The following CBFA2T2 variants were observed in gnomAD, a reference collection of about 807,000 sequenced individuals.
CBFA2T2 encodes protein CBFA2T2.
CBFA2T2 carries 11 observed loss-of-function variants against 62.2 expected under a neutral mutation model. The ratio of observed to expected loss-of-function variants is 0.18; its 90% CI spans 0.11 to 0.29. CBFA2T2 has a LOEUF of 0.29. Among genes scored for constraint, CBFA2T2 ranks in the 10% least tolerant of loss-of-function variants. CBFA2T2 has a pLI of 1.00. For missense variants in CBFA2T2, 592 were observed against 774.1 expected (o/e 0.76, Z 2.79); for synonymous variants, 295 against 287.5 (o/e 1.03, Z -0.27).
In CBFA2T2 at chr20:33,610,627, C is replaced by T. The variant is rs139762657; in HGVS notation, c.179-467C>T. On this transcript the variant is annotated intron_variant, in intron 2 of 10. Coordinates refer to ENST00000342704, the MANE Select transcript of CBFA2T2 (RefSeq NM_001032999.3). ...AAATCAGTAGGCCTAAAAAATATCC[C>T]TCATATTATCATAACTCTTTTTTCT... Among the ~76,000 whole-genome samples, 171 of 152,240 alleles carry T rather than the reference C, an allele frequency of 1.1e-3. 1 individual carries two copies. Among genetic ancestry groups the T allele is most frequent in the African/African-American group, 3.9e-3 (160 of 41,544 alleles).
chr20:33,598,185 T>C (rs2014969312), intron 1 of CBFA2T2, among the ~76,000 whole-genome samples: 1 of 152,148 alleles, frequency 6.6e-6, no homozygotes, highest in South Asian at 2.1e-4. Flanking sequence ...AGCACCATTG[T>C]CATTGATAAC....
chr20:33,493,092 TGA>T (rs2011161418), intron 1 of CBFA2T2, among the ~76,000 whole-genome samples: 1 of 146,844 alleles, frequency 6.8e-6, no homozygotes, highest in Admixed American at 6.8e-5. Flanking sequence ...TTTTTTTTTT[TGA>T]GACGGAGTTT....
chr20:33,536,677 C>T (rs1464117306), intron 1 of CBFA2T2, among the ~76,000 whole-genome samples: 1 of 150,440 alleles, frequency 6.6e-6, no homozygotes, highest in Non-Finnish European at 1.5e-5. Context: ...CGGGCAGAGA[C>T]GCTCCTCACC....
At position 33,623,095 on chromosome 20, in the gene CBFA2T2, A is replaced by G. The variant is rs1361948665; in HGVS notation, c.511-20A>G. 1 of 1,613,614 alleles carries G rather than the reference A, an allele frequency of 6.2e-7. No individual in the cohort carries two copies. The highest frequency in any genetic ancestry group is 8.5e-7 in the Non-Finnish European group (1 of 1,179,946). ...CTTGTGTAGGGCCTAACACTGGAAA[A>G]ACTGCCTCTTCCTTTCAAGGCCAAC... On this transcript the variant is annotated intron_variant, in intron 4 of 10. Transcript: ENST00000342704.
chr20:33,546,482 T>TA (rs1193172283), intron 1 of CBFA2T2, among the ~76,000 whole-genome samples: 1 of 150,636 alleles, frequency 6.6e-6, no homozygotes, highest in African/African-American at 2.4e-5. Flanking sequence ...GGCTGGAGTG[T>TA]AGTAGCAGCC....
chr20:33,505,157 G>T (rs1463880073), intron 1 of CBFA2T2, among the ~76,000 whole-genome samples: 1 of 152,208 alleles, frequency 6.6e-6, no homozygotes, highest in Non-Finnish European at 1.5e-5. Flanking sequence ...GAATGTGAGA[G>T]TGTGGCTTTT....
At chr20:33,630,776 C>T (rs1485258808) in intron 8 of CBFA2T2, among the ~76,000 whole-genome samples, 1 of 152,220 alleles carries the variant, frequency 6.6e-6, no homozygotes, top group African/African-American at 2.4e-5. Flanking sequence ...TCTCTTACGA[C>T]AGACCTAGTA....
At chr20:33,525,746 G>T (rs1435688172) in intron 1 of CBFA2T2, among the ~76,000 whole-genome samples, 1 of 152,056 alleles carries the variant, frequency 6.6e-6, no homozygotes, top group Non-Finnish European at 1.5e-5. Context: ...CGACCACCTG[G>T]GCTCAAGCAA....
chr20:33,598,859 C>T (rs1601036687), intron 1 of CBFA2T2, among the ~76,000 whole-genome samples: 1 of 152,344 alleles, frequency 6.6e-6, no homozygotes, highest in East Asian at 1.9e-4. Flanking sequence ...GCCATGGCTT[C>T]AGCCGGTCCC....
intron 1 of CBFA2T2, among the ~76,000 whole-genome samples, chr20:33,517,660 C>T (rs558633757): frequency 1.8e-4 from 27 of 148,730 alleles, no homozygotes; most frequent in African/African-American, 5.7e-4. Flanking sequence ...GTTAGTAGAG[C>T]CTAGGTTGGC....
At chr20:33,514,206 GTTT>G (rs1196003433) in intron 1 of CBFA2T2, among the ~76,000 whole-genome samples, 1 of 53,346 alleles carries the variant, frequency 1.9e-5, no homozygotes, top group South Asian at 7.7e-4. Context: ...CCCTGCCTTT[GTTT>G]TTTTTTTTTT....
intron 1 of CBFA2T2, among the ~76,000 whole-genome samples, chr20:33,492,100 G>A (rs1372753655): frequency 1.3e-5 from 2 of 151,834 alleles, no homozygotes; most frequent in African/African-American, 2.4e-5. Context: ...CAGGCTGGTC[G>A]TGAACTCCTG....
chr20:33,530,974 A>G lies in CBFA2T2; in HGVS notation c.34+40673A>G, dbSNP rs114019704. On this transcript the variant is annotated intron_variant, in intron 1 of 10. Coordinates refer to ENST00000342704, the MANE Select transcript of CBFA2T2 (RefSeq NM_001032999.3). ...AGGCGCCTGTAATCGCAGCTCCTGTAATCCAGGCCGTGGCAGGAGAATTGC... is the reference window on the plus strand; with the variant it reads ...AGGCGCCTGTAATCGCAGCTCCTGTGATCCAGGCCGTGGCAGGAGAATTGC... 4.5e-3 allele frequency among the ~76,000 whole-genome samples: 686 copies of G among 152,114 alleles called. 6 individuals carry two copies. The highest frequency in any genetic ancestry group is 0.016 in the African/African-American group (645 of 41,520).
At chr20:33,623,910 G>GTACA in intron 5 of CBFA2T2, 1 of 704,180 alleles carries the variant, frequency 1.4e-6, no homozygotes, top group Non-Finnish European at 2.6e-6. Flanking sequence ...AGCCTCAGGA[G>GTACA]TACAGTTCTG....
intron 1 of CBFA2T2, among the ~76,000 whole-genome samples, chr20:33,602,890 A>G (rs1168153900): frequency 1.3e-5 from 2 of 152,194 alleles, no homozygotes; most frequent in African/African-American, 4.8e-5. Context: ...CTTGACCACA[A>G]GCACTGCAAA....
intron 1 of CBFA2T2, among the ~76,000 whole-genome samples, chr20:33,592,175 C>T (rs1342156987): frequency 6.6e-6 from 1 of 151,898 alleles, no homozygotes; most frequent in Non-Finnish European, 1.5e-5. Flanking sequence ...CCAGCCTGAC[C>T]AACATGGGGA....
At chr20:33,536,024 T>C (rs1316892856) in intron 1 of CBFA2T2, among the ~76,000 whole-genome samples, 3 of 152,170 alleles carry the variant, frequency 2.0e-5, no homozygotes, top group Admixed American at 6.5e-5. Context: ...GGCAGAAGAA[T>C]TTTTCTTGGT....
In CBFA2T2 at chr20:33,640,507, C is replaced by T. The variant is rs761873618; in HGVS notation, c.1464C>T (p.Ile488=). The T allele has an allele frequency of 3.1e-6, 5 of 1,614,074 alleles. No individual in the cohort carries two copies. In the East Asian group the frequency reaches 6.7e-5, roughly 22 times the overall value. Residue 488 remains isoleucine (I), a synonymous_variant, in exon 10 of 11, where the codon ATC becomes ATT. Coordinates refer to ENST00000342704, the MANE Select transcript of CBFA2T2 (RefSeq NM_001032999.3). ...CCGCAGAGGATGCTTTCCTCGTCAT[C>T]AATGAGCAAGAGGAGTCCACGGAGG... ...RQAAEDAFLV[I]NEQEESTENC... is the part of the protein sequence containing the mutation.
chr20:33,618,748 A>T (rs761079368), intron 3 of CBFA2T2, among the ~76,000 whole-genome samples: 2 of 152,170 alleles, frequency 1.3e-5, no homozygotes, highest in Non-Finnish European at 2.9e-5. Flanking sequence ...AAAAAATGTG[A>T]CACTGGGTTA....
Sources: gnomAD v4.1 joint callset for allele counts (sites outside exome capture counted in the v4.1 genomes callset) on GRCh38, gnomAD v4.1.1 for gene constraint, MANE v1.5 for transcripts, NCBI Gene and HGNC (gene_info 2026-07-23, HGNC 2026-07-21) for gene names.